The following KCNT2 variants were observed in gnomAD, a reference collection of about 807,000 sequenced individuals.
KCNT2 encodes potassium sodium-activated channel subfamily T member 2, also known as potassium channel subfamily T member 2.
In KCNT2, 67 loss-of-function variants were observed where a neutral mutation model predicts 153.8. The observed-to-expected ratio is 0.44, with a 90% confidence interval of 0.36 to 0.53. KCNT2 has a LOEUF of 0.53. Among genes scored for constraint, KCNT2 ranks in the 20% least tolerant of loss-of-function variants. The pLI, the probability that KCNT2 is intolerant of heterozygous loss-of-function variation, is 0.00. For missense variants in KCNT2, 975 were observed against 1,354.8 expected, an observed-to-expected ratio of 0.72 and a Z score of 4.40; for synonymous variants, 500 against 458.8, an observed-to-expected ratio of 1.09 and a Z score of -1.15.
intron 1 of KCNT2, among the ~76,000 whole-genome samples, chr1:196,510,342 G>A (rs1681507761): frequency 6.6e-6 from 1 of 152,092 alleles, no homozygotes; most frequent in South Asian, 2.1e-4. Context: ...CAGATTAGGG[G>A]ACTGAGGCAT....
intron 26 of KCNT2, among the ~76,000 whole-genome samples, chr1:196,239,257 A>G (rs150468353): frequency 0.011 from 1,661 of 152,048 alleles, 32 homozygotes; most frequent in African/African-American, 0.035. Context: ...TAAAAAAATT[A>G]TAAGTTTAAA....
At chr1:196,597,887 G>T (rs755105596) in intron 1 of KCNT2, among the ~76,000 whole-genome samples, 1 of 151,260 alleles carries the variant, frequency 6.6e-6, no homozygotes, top group Non-Finnish European at 1.5e-5. Flanking sequence ...CCTAAATCAA[G>T]TAACTTCACT....
At chr1:196,531,138 T>C (rs1303167377) in intron 1 of KCNT2, among the ~76,000 whole-genome samples, 1 of 152,136 alleles carries the variant, frequency 6.6e-6, no homozygotes, top group African/African-American at 2.4e-5. Flanking sequence ...GGGGAGTTGC[T>C]TTTCCCATTT....
chr1:196,254,125 CA>C (rs1314106954), intron 26 of KCNT2, among the ~76,000 whole-genome samples: 1 of 151,330 alleles, frequency 6.6e-6, no homozygotes, highest in Non-Finnish European at 1.5e-5. Context: ...ATTAACTCAT[CA>C]ATTACCCTTT....
chr1:196,544,213 G>A (rs953860497), intron 1 of KCNT2, among the ~76,000 whole-genome samples: 10 of 151,992 alleles, frequency 6.6e-5, no homozygotes, highest in African/African-American at 2.4e-4. Flanking sequence ...ATGCACTATT[G>A]TAGACATATC....
At chr1:196,599,945 T>A (rs1241196907) in intron 1 of KCNT2, among the ~76,000 whole-genome samples, 1 of 152,194 alleles carries the variant, frequency 6.6e-6, no homozygotes, top group Non-Finnish European at 1.5e-5. Context: ...CACTTCCCAG[T>A]CAAGAGAGAC....
chr1:196,392,456 G>A (rs1475654812), intron 13 of KCNT2, among the ~76,000 whole-genome samples: 1 of 151,268 alleles, frequency 6.6e-6, no homozygotes, highest in African/African-American at 2.4e-5. Context: ...TTCTTAAGTA[G>A]GTTGTAAAAA....
rs185847687 is a variant in KCNT2, at chr1:196,452,647, T to G, written c.638+12646A>C. On this transcript the variant is annotated intron_variant, in intron 8 of 27. Coordinates refer to ENST00000294725, the MANE Select transcript of KCNT2 (RefSeq NM_198503.5). ...GATTCTGTCAGCACAGAGGCACTAT[T>G]GGCAGACTGGAATACAGAAGGAAGA... 1.9e-3 allele frequency among the ~76,000 whole-genome samples: 291 copies of G among 152,114 alleles called. 3 individuals are homozygous for G. Among genetic ancestry groups the G allele is most frequent in the Admixed American group, 7.1e-3 (109 of 15,252 alleles).
chr1:196,348,975 C>T (rs1279815543), intron 14 of KCNT2, among the ~76,000 whole-genome samples: 1 of 151,864 alleles, frequency 6.6e-6, no homozygotes. Context: ...AGAAAGAATC[C>T]CCTAGATCTC....
chr1:196,581,586 C>T (rs146183822), intron 1 of KCNT2, among the ~76,000 whole-genome samples: 36 of 151,820 alleles, frequency 2.4e-4, no homozygotes, highest in Middle Eastern at 3.4e-3. Context: ...TCTCAGTGGC[C>T]GACTCACTCT....
rs1426703964 is a variant in KCNT2, at chr1:196,547,346, A to T, written c.96-55005T>A. 6.1e-4 allele frequency among the ~76,000 whole-genome samples: 93 copies of T among 151,920 alleles called. 1 individual carries two copies. The highest frequency in any genetic ancestry group is 6.1e-3 in the Admixed American group (93 of 15,196). ...TGTGAATATTAAAAACCTTGCCATT[A>T]TTTAAAAAAAAATTGGGAGGTGGAG... On this transcript the variant is annotated intron_variant, in intron 1 of 27. Transcript: ENST00000294725.
At chr1:196,326,921 AT>A in intron 18 of KCNT2, 32 bp from the exon 19 acceptor site, 1 of 1,254,646 alleles carries the variant, frequency 8.0e-7, no homozygotes, top group Non-Finnish European at 1.1e-6. Flanking sequence ...TTGAAATGCC[AT>A]TTGGATACTT....
At chr1:196,526,346 A>G (rs1364435648) in intron 1 of KCNT2, among the ~76,000 whole-genome samples, 1 of 151,006 alleles carries the variant, frequency 6.6e-6, no homozygotes, top group Non-Finnish European at 1.5e-5. Context: ...TACACAGTCC[A>G]TTCAAATGTT....
intron 14 of KCNT2, among the ~76,000 whole-genome samples, chr1:196,365,720 C>G (rs191405937): frequency 6.6e-6 from 1 of 152,286 alleles, no homozygotes; most frequent in Non-Finnish European, 1.5e-5. Context: ...TACAAACATG[C>G]AAGGCATGGG....
intron 5 of KCNT2, among the ~76,000 whole-genome samples, chr1:196,478,076 G>A (rs1367117359): frequency 1.3e-5 from 2 of 152,102 alleles, no homozygotes; most frequent in African/African-American, 4.8e-5. Context: ...TTGTTTCTTA[G>A]TCTTACTGCA....
intron 22 of KCNT2, among the ~76,000 whole-genome samples, chr1:196,292,113 T>C (rs1324871070): frequency 6.6e-6 from 1 of 152,224 alleles, no homozygotes; most frequent in African/African-American, 2.4e-5. Flanking sequence ...TTTCTCAATT[T>C]ACTTTTACGA....
intron 1 of KCNT2, among the ~76,000 whole-genome samples, chr1:196,582,003 T>G (rs1047807192): frequency 1.3e-5 from 2 of 152,140 alleles, no homozygotes; most frequent in Non-Finnish European, 2.9e-5. Context: ...TCAGGTAGAC[T>G]TTAAAAAGTC....
At chr1:196,371,363 A>T (rs1215546018) in intron 14 of KCNT2, among the ~76,000 whole-genome samples, 1 of 151,836 alleles carries the variant, frequency 6.6e-6, no homozygotes, top group Non-Finnish European at 1.5e-5. Flanking sequence ...GTGGGGGGAA[A>T]ATGTAGGGTG....
In KCNT2 at chr1:196,227,831, A is replaced by G. The variant is rs1453553417; in HGVS notation, c.*393T>C. Reference sequence around the variant, plus strand: ...AAGTTTAAAGAATATAATATGACACATTTAATTTTTAAGAGGAGCAGCAGC... The same window carrying G: ...AAGTTTAAAGAATATAATATGACACGTTTAATTTTTAAGAGGAGCAGCAGC... On this transcript the variant is annotated 3_prime_UTR_variant, in exon 28 of 28. Transcript: ENST00000294725. 1 of 156,300 alleles carries G rather than the reference A, an allele frequency of 6.4e-6. No homozygotes were observed. The highest frequency in any genetic ancestry group is 1.9e-4 in the East Asian group (1 of 5,292). 9.7% of individuals were successfully genotyped at this position (156,300 alleles called of 1,614,324 possible). A position where few individuals can be genotyped will look rare whatever the true frequency, so the allele number is the denominator to read the frequency against.
Sources: allele counts gnomAD v4.1 joint callset (sites outside exome capture counted in the v4.1 genomes callset), GRCh38; gene constraint gnomAD v4.1.1; transcripts MANE v1.5; gene names NCBI Gene and HGNC (gene_info 2026-07-23, HGNC 2026-07-21).